The following P2RY8 variants were observed in gnomAD, a reference collection of about 807,000 sequenced individuals.
P2RY8 encodes the protein S-geranylgeranyl-glutathione receptor P2RY8.
P2RY8 carries 6 observed loss-of-function variants against 10.0 expected under a neutral mutation model. The ratio of observed to expected loss-of-function variants is 0.60; its 90% CI spans 0.33 to 1.19. The LOEUF is 1.19. P2RY8 is among the 50% of genes most tolerant of loss of function. The probability of loss-of-function intolerance (pLI) is 0.04; values close to 1 mark genes in which losing one functional copy is unlikely to be tolerated. For synonymous variants in P2RY8, 276 were observed against 252.5 expected (o/e 1.09, Z -0.88); for missense variants, 456 against 542.0 (o/e 0.84, Z 1.58).
chrX:1,533,797 T>G (rs2092501351), intron 1 of P2RY8, among the ~76,000 whole-genome samples: 1 of 122,450 alleles, frequency 8.2e-6, no homozygotes, highest in Non-Finnish European at 1.6e-5. Context: ...ATATACTATA[T>G]ATTCATATAT....
At chrX:1,520,899 A>C (rs1449483371) in intron 1 of P2RY8, among the ~76,000 whole-genome samples, 7 of 150,758 alleles carry the variant, frequency 4.6e-5, no homozygotes, top group African/African-American at 1.5e-4. Context: ...TGTCCCCAAT[A>C]ATCTCCTTGA....
chrX:1,479,782 G>T (rs2091914270), intron 1 of P2RY8, among the ~76,000 whole-genome samples: 2 of 152,066 alleles, frequency 1.3e-5, no homozygotes, highest in Admixed American at 6.6e-5. Flanking sequence ...GAGGACACAA[G>T]TTACTAATAC....
intron 1 of P2RY8, among the ~76,000 whole-genome samples, chrX:1,498,362 C>A (rs1191741416): frequency 7.2e-6 from 1 of 138,182 alleles, no homozygotes; most frequent in Non-Finnish European, 1.6e-5. Context: ...GCCGAGATCG[C>A]GCCACTGCAC....
chrX:1,482,223 G>C (rs1296861686), intron 1 of P2RY8, among the ~76,000 whole-genome samples: 1 of 148,366 alleles, frequency 6.7e-6, no homozygotes, highest in Non-Finnish European at 1.5e-5. Context: ...CAGCAAAATC[G>C]GCCTCACTCT....
chrX:1,522,280 A>C (rs1430306720), intron 1 of P2RY8, among the ~76,000 whole-genome samples: 1 of 151,870 alleles, frequency 6.6e-6, no homozygotes, highest in Non-Finnish European at 1.5e-5. Context: ...AAAAAAAAAA[A>C]GGTGAGGTTT....
rs1196590611 is a variant in P2RY8 at position 1,478,758 on chromosome X, G to A, written c.-24-12176C>T. Among the ~76,000 whole-genome samples the A allele has an allele frequency of 2.6e-5, 4 of 152,132 alleles. No homozygotes were observed. The South Asian group carries it at 8.3e-4, about 31-fold the overall frequency. ...CTCCCAAAGTGCTGGGATTGCAGGTGTGAGCCACTGCTCCCGGTACAGGTA... is the reference window on the plus strand; with the variant it reads ...CTCCCAAAGTGCTGGGATTGCAGGTATGAGCCACTGCTCCCGGTACAGGTA... On this transcript the variant is annotated intron_variant, in intron 1 of 1. Transcript: ENST00000381297.
intron 1 of P2RY8, among the ~76,000 whole-genome samples, chrX:1,520,520 CA>C: frequency 6.7e-6 from 1 of 150,098 alleles, no homozygotes; most frequent in East Asian, 2.0e-4. Flanking sequence ...GGTCCCCAAT[CA>C]TCTCTCTGAT....
chrX:1,532,286 A>G (rs2092480537), intron 1 of P2RY8, among the ~76,000 whole-genome samples: 2 of 142,780 alleles, frequency 1.4e-5, no homozygotes, highest in Admixed American at 7.4e-5. Flanking sequence ...ACACACACAT[A>G]TATGTCATAT....
At chrX:1,523,190 T>C (rs1448277053) in intron 1 of P2RY8, among the ~76,000 whole-genome samples, 2 of 151,944 alleles carry the variant, frequency 1.3e-5, no homozygotes, top group Non-Finnish European at 2.9e-5. Context: ...GGTGTGACCT[T>C]TGTGGCTGGT....
At chrX:1,493,944 G>A (rs1452495179) in intron 1 of P2RY8, 4 of 152,180 alleles carry the variant, frequency 2.6e-5, no homozygotes, top group African/African-American at 9.7e-5. Flanking sequence ...GTGAGCCCGG[G>A]TTAAAAATCA....
rs371336045 is a variant in P2RY8, at chrX:1,466,417, G to A, written c.142C>T (p.Leu48=). 3 of 1,613,230 alleles carry A rather than the reference G, an allele frequency of 1.9e-6. No individual in the cohort carries two copies. In the African/African-American group the frequency reaches 4.0e-5, roughly 22 times the overall value. Residue 48 remains leucine, a synonymous_variant, in exon 2 of 2, where the codon CTG becomes TTG. Transcript: ENST00000381297. The stretch of plus-strand genomic sequence containing the variant: ...GATCTGGGCCCCATGCGCCGGCACA[G>A]CACCCACAGAGAGAAGAGGTTGCCC... ...IPGNLFSLWV[L]CRRMGPRSPS... is the part of the protein sequence containing the mutation.
In P2RY8 at chrX:1,478,273, G is replaced by GTGTGTGTGTGTGTGTGTGTGTGTGTGCA. The variant is rs539376483; in HGVS notation, c.-24-11692_-24-11691insTGCACACACACACACACACACACACACA. Among the ~76,000 whole-genome samples, 359 of 133,604 alleles carry GTGTGTGTGTGTGTGTGTGTGTGTGTGCA rather than the reference G, an allele frequency of 2.7e-3. 3 individuals are homozygous for GTGTGTGTGTGTGTGTGTGTGTGTGTGCA. Among genetic ancestry groups the GTGTGTGTGTGTGTGTGTGTGTGTGTGCA allele is most frequent in the African/African-American group, 4.4e-3 (134 of 30,438 alleles). The allele number at this position is 133,604 out of a possible 152,430, so 87.6% of individuals were successfully genotyped here. On this transcript the variant is annotated intron_variant, in intron 1 of 1. Coordinates refer to ENST00000381297, the MANE Select transcript of P2RY8 (RefSeq NM_178129.5). ...TATGTGTGTGTGTGTGTGTGTGTGT[G>GTGTGTGTGTGTGTGTGTGTGTGTGTGCA]CCCAGCAGGGAAGCAGAAATTATTA...
Position 1,477,258 on chromosome X carries a change from T to C in P2RY8, c.-24-10676A>G, listed in dbSNP as rs188885203. Among the ~76,000 whole-genome samples, 1,303 of 152,000 alleles carry C rather than the reference T, an allele frequency of 8.6e-3. 9 individuals are homozygous for C. Among genetic ancestry groups the C allele is most frequent in the Non-Finnish European group, 0.014 (965 of 67,946 alleles). On this transcript the variant is annotated intron_variant, in intron 1 of 1. Coordinates refer to ENST00000381297, the MANE Select transcript of P2RY8 (RefSeq NM_178129.5). ...CTATCCATGAATCCATTTGTTGATCTAACCCCTGTCATCCATCTATCATCT... is the reference window on the plus strand; with the variant it reads ...CTATCCATGAATCCATTTGTTGATCCAACCCCTGTCATCCATCTATCATCT...
chrX:1,490,376 C>T (rs1369728010), intron 1 of P2RY8, among the ~76,000 whole-genome samples: 2 of 149,928 alleles, frequency 1.3e-5, no homozygotes, highest in Non-Finnish European at 3.0e-5. Context: ...CCCAGATATT[C>T]CCTGCAAATG....
chrX:1,535,633 C>G (rs2092518584), intron 1 of P2RY8, among the ~76,000 whole-genome samples: 1 of 151,690 alleles, frequency 6.6e-6, no homozygotes, highest in Non-Finnish European at 1.5e-5. Flanking sequence ...TCACTTAGGG[C>G]TCTCGCGCTT....
rs147045602 is a variant in P2RY8, at chrX:1,534,789, T to C, written c.-25+2132A>G. 4.8e-3 allele frequency among the ~76,000 whole-genome samples: 730 copies of C among 152,058 alleles called. 10 individuals are homozygous for C. The highest frequency in any genetic ancestry group is 0.017 in the African/African-American group (704 of 41,414). ...ACCACTGGCAACAGCTACCCTGCTGTTGTTAATCCTAAGCCATCGCTTCTT... is the reference window on the plus strand; with the variant it reads ...ACCACTGGCAACAGCTACCCTGCTGCTGTTAATCCTAAGCCATCGCTTCTT... On this transcript the variant is annotated intron_variant, in intron 1 of 1. Transcript: ENST00000381297.
At chrX:1,507,544 A>C (rs2092245981) in intron 1 of P2RY8, among the ~76,000 whole-genome samples, 2 of 152,210 alleles carry the variant, frequency 1.3e-5, no homozygotes, top group Admixed American at 6.5e-5. Flanking sequence ...GTAGCTCATG[A>C]GTCCCTGCAG....
intron 1 of P2RY8, among the ~76,000 whole-genome samples, chrX:1,508,269 G>A (rs1384870781): frequency 6.6e-6 from 1 of 152,110 alleles, no homozygotes; most frequent in Non-Finnish European, 1.5e-5. Context: ...TTGATCAAAG[G>A]TTTTCAACTG....
chrX:1,472,821 G>C (rs1162547969), intron 1 of P2RY8, among the ~76,000 whole-genome samples: 7 of 149,152 alleles, frequency 4.7e-5, no homozygotes, highest in African/African-American at 1.7e-4. Flanking sequence ...ATGGGTGGAT[G>C]TATAGATGAG....
Sources: gnomAD v4.1 joint callset for allele counts (sites outside exome capture counted in the v4.1 genomes callset) on GRCh38, gnomAD v4.1.1 for gene constraint, MANE v1.5 for transcripts, NCBI Gene and HGNC (gene_info 2026-07-23, HGNC 2026-07-21) for gene names.